ZFP91: variants seen among roughly 807,000 people sequenced by gnomAD.
ZFP91 encodes the protein E3 ubiquitin-protein ligase ZFP91.
A neutral mutation model predicts 63.5 loss-of-function variants in ZFP91; 7 were observed. The observed-to-expected ratio is 0.11, with a 90% CI of 0.06 to 0.21. The LOEUF is 0.21. Among genes scored for constraint, ZFP91 ranks in the 10% least tolerant of loss-of-function variants. The pLI, the probability that ZFP91 is intolerant of heterozygous loss-of-function variation, is 1.00. For synonymous variants in ZFP91, 330 were observed against 272.1 expected, an observed-to-expected ratio of 1.21 and a Z score of -2.10; for missense variants, 628 against 736.6, an observed-to-expected ratio of 0.85 and a Z score of 1.71.
chr11:58,588,248 C>T (rs74816232), intron 2 of ZFP91, among the ~76,000 whole-genome samples: 2,733 of 152,198 alleles, frequency 0.018, 32 homozygotes, highest in Middle Eastern at 0.037. Context: ...ACAGTGATTA[C>T]TGTGAGTCTC....
chr11:58,592,128 G>C (rs1855318252), intron 2 of ZFP91, among the ~76,000 whole-genome samples: 1 of 146,474 alleles, frequency 6.8e-6, no homozygotes, highest in South Asian at 2.2e-4. Flanking sequence ...TCTTGCCCAG[G>C]CTGGAGTGCA....
chr11:58,611,888 A>G (rs1458679912), intron 6 of ZFP91, 150 bp downstream of exon 6: 7 of 821,180 alleles, frequency 8.5e-6, no homozygotes, highest in Non-Finnish European at 1.3e-5. Context: ...AGCAGCTGAC[A>G]ATTTCACTGG....
intron 2 of ZFP91, among the ~76,000 whole-genome samples, chr11:58,603,444 C>T (rs749544438): frequency 4.9e-4 from 75 of 152,294 alleles, no homozygotes; most frequent in Non-Finnish European, 3.1e-4. Flanking sequence ...CTCAGCACTT[C>T]CCAGAATAGA....
rs762184112 is a variant in ZFP91 at position 58,614,264 on chromosome 11, A to G, written c.1023A>G (p.Lys341=). The G allele has an allele frequency of 3.1e-6, 5 of 1,609,342 alleles. No individual in the cohort carries two copies. In the South Asian group the frequency reaches 4.4e-5, roughly 14 times the overall value. Residue 341 remains lysine, a synonymous_variant, in exon 9 of 11, where the codon AAA becomes AAG. Coordinates refer to ENST00000316059, the MANE Select transcript of ZFP91 (RefSeq NM_053023.5). ...HIKYQHLLKK[K]YVCPHPSCGR... The stretch of plus-strand genomic sequence containing the variant: ...AATACCAGCATTTGCTGAAGAAGAA[A>G]TATGTATGTCCCCATCCCTCCTGTG...
At chr11:58,595,282 A>G (rs934157476) in intron 2 of ZFP91, among the ~76,000 whole-genome samples, 1 of 152,212 alleles carries the variant, frequency 6.6e-6, no homozygotes, top group Admixed American at 6.5e-5. Flanking sequence ...GCCCAGAAGA[A>G]ATTTAAATAC....
Position 58,584,604 on chromosome 11 carries a change from A to G in ZFP91, c.342-252A>G, listed in dbSNP as rs60804812. On this transcript the variant is annotated intron_variant, in intron 1 of 10. Coordinates refer to ENST00000316059, the MANE Select transcript of ZFP91 (RefSeq NM_053023.5). ...GTCAGTTATGTAGCCACATGTGGCT[A>G]TTTAAATTTACATTAATCAAAATTA... Among the ~76,000 whole-genome samples, 342 of 152,228 alleles carry G rather than the reference A, an allele frequency of 2.2e-3. 1 individual carries two copies. The highest frequency in any genetic ancestry group is 7.7e-3 in the African/African-American group (320 of 41,536).
intron 2 of ZFP91, among the ~76,000 whole-genome samples, chr11:58,609,529 A>G (rs940125059): frequency 2.6e-5 from 4 of 152,214 alleles, no homozygotes; most frequent in African/African-American, 9.6e-5. Context: ...TAGATCTAAA[A>G]GGTAGAATTT....
intron 9 of ZFP91, 123 bp downstream of exon 9, chr11:58,614,466 G>C: frequency 1.5e-6 from 1 of 684,830 alleles, no homozygotes; most frequent in Non-Finnish European, 2.2e-6. Flanking sequence ...CGGGGAAAAG[G>C]TGTGAAAATA....
intron 2 of ZFP91, among the ~76,000 whole-genome samples, chr11:58,603,832 T>C (rs1855529420): frequency 1.3e-5 from 2 of 152,196 alleles, no homozygotes; most frequent in African/African-American, 2.4e-5. Flanking sequence ...CCTTTTGATA[T>C]GGAGATGTGT....
chr11:58,616,674 G>C (rs1027164949), intron 9 of ZFP91, 42 bp from the exon 10 acceptor site: 1 of 1,532,560 alleles, frequency 6.5e-7, no homozygotes, highest in African/African-American at 1.4e-5. Context: ...AATATTTACA[G>C]GGTATCTAAA....
At chr11:58,592,262 T>G (rs2134397507) in intron 2 of ZFP91, among the ~76,000 whole-genome samples, 1 of 151,864 alleles carries the variant, frequency 6.6e-6, no homozygotes, top group South Asian at 2.1e-4. Context: ...TTTTTGTATT[T>G]TTTTAGTAGA....
chr11:58,584,693 A>G (rs973940603), intron 1 of ZFP91, among the ~76,000 whole-genome samples, 163 bp from the exon 2 acceptor site: 4 of 152,160 alleles, frequency 2.6e-5, no homozygotes, highest in East Asian at 1.9e-4. Flanking sequence ...TGACTGCCAT[A>G]TTGGACAGTG....
In ZFP91 at chr11:58,617,619, A is replaced by G. The variant is rs1460147558; in HGVS notation, c.1626A>G (p.Gly542=). 2 of 1,594,676 alleles carry G rather than the reference A, an allele frequency of 1.3e-6. No individual in the cohort carries two copies. Among genetic ancestry groups the G allele is most frequent in the Admixed American group, 3.5e-5 (2 of 57,504 alleles). The change falls in exon 11 of 11, where the codon GGA becomes GGG. Residue 542 remains glycine, a synonymous_variant. Coordinates refer to ENST00000316059, the MANE Select transcript of ZFP91 (RefSeq NM_053023.5). This position sits in a 1 kb window ranked among gnomAD's most constrained non-coding sequence, Gnocchi z 4.2. ...GKIFVGSGSS[G]GTEGLVMNSD... ...TCTTTGTGGGAAGCGGCAGCAGTGGAGGCACTGAAGGGCTGGTTATGAACT... is the reference window on the plus strand; with the variant it reads ...TCTTTGTGGGAAGCGGCAGCAGTGGGGGCACTGAAGGGCTGGTTATGAACT...
chr11:58,611,937 C>A, intron 6 of ZFP91, 199 bp downstream of exon 6: 1 of 605,588 alleles, frequency 1.7e-6, no homozygotes, highest in Non-Finnish European at 2.8e-6. Flanking sequence ...TTTTTCAGTT[C>A]TATTGCAAGG....
At position 58,611,716 on chromosome 11, in the gene ZFP91, G is replaced by C; in HGVS notation, c.835G>C (p.Glu279Gln). The C allele has an allele frequency of 6.2e-7, 1 of 1,611,230 alleles. No homozygotes were observed. The highest frequency in any genetic ancestry group is 1.1e-5 in the South Asian group (1 of 90,684). The change falls in exon 6 of 11, where the codon GAG becomes CAG. Residue 279 changes from glutamate to glutamine, a missense_variant. By Grantham distance (29) the Glu-to-Gln change is conservative. Transcript: ENST00000316059. Reference protein sequence around the residue: ...EVKEEENEIREDEEPPRKRGR... With the variant: ...EVKEEENEIRQDEEPPRKRGR... ...GAAAGAAGAGGAGAATGAAATTAGAGAGGATGAGGAACCTCCAAGGAAGTG... is the reference window on the plus strand; with the variant it reads ...GAAAGAAGAGGAGAATGAAATTAGACAGGATGAGGAACCTCCAAGGAAGTG...
chr11:58,610,817 A>G (rs1855647673), intron 4 of ZFP91, 133 bp from the exon 5 acceptor site: 7 of 664,884 alleles, frequency 1.1e-5, no homozygotes, highest in South Asian at 2.6e-5. Context: ...TTTCAGTCCA[A>G]TTAGGTCATT....
intron 2 of ZFP91, among the ~76,000 whole-genome samples, chr11:58,603,417 T>A (rs1045114183): frequency 2.6e-5 from 4 of 152,236 alleles, no homozygotes; most frequent in Non-Finnish European, 5.9e-5. Flanking sequence ...ATATAACTTG[T>A]GGATCGAATC....
chr11:58,600,845 G>C (rs1032917905), intron 2 of ZFP91, among the ~76,000 whole-genome samples: 1 of 152,026 alleles, frequency 6.6e-6, no homozygotes, highest in African/African-American at 2.4e-5. Flanking sequence ...CCAGTTTTTT[G>C]TGTGTTCTTA....
chr11:58,616,831 T>C lies in ZFP91; in HGVS notation c.1202+16T>C, dbSNP rs752053388. The C allele has an allele frequency of 3.2e-5, 51 of 1,610,362 alleles. No homozygotes were observed. Among genetic ancestry groups the C allele is most frequent in the Non-Finnish European group, 4.2e-5 (49 of 1,176,912 alleles). ...AGCCATTACAGTGAGTATTATTTAC[T>C]GGTGAACATCTGGGTGAGAAGGATA... On this transcript the variant is annotated intron_variant, in intron 10 of 10. Transcript: ENST00000316059.
Sources: gnomAD v4.1 joint callset for allele counts (sites outside exome capture counted in the v4.1 genomes callset) on GRCh38, gnomAD v4.1.1 for gene constraint, Gnocchi (gnomAD v3.1) non-coding constraint, MANE v1.5 for transcripts, NCBI Gene and HGNC (gene_info 2026-07-23, HGNC 2026-07-21) for gene names.